The following GUCY1A2 variants were observed in gnomAD, a reference collection of about 807,000 sequenced individuals.
GUCY1A2 encodes guanylate cyclase 1 soluble subunit alpha 2, also known as guanylate cyclase soluble subunit alpha-2.
Under a neutral mutation model 63.5 loss-of-function variants are expected in GUCY1A2, and 27 were observed. The observed-to-expected ratio is 0.43, with a 90% CI of 0.31 to 0.59. The LOEUF is 0.59. Ranked by LOEUF, GUCY1A2 falls within the 20% of genes least tolerant of loss-of-function variation. The pLI, the probability that GUCY1A2 is intolerant of heterozygous loss-of-function variation, is 0.11. For missense variants in GUCY1A2, 768 were observed against 913.3 expected (o/e 0.84, Z 2.05); for synonymous variants, 364 against 343.5 (o/e 1.06, Z -0.66).
intron 4 of GUCY1A2, among the ~76,000 whole-genome samples, chr11:106,889,819 G>C (rs1252226255): frequency 6.6e-6 from 1 of 152,184 alleles, no homozygotes; most frequent in African/African-American, 2.4e-5. Context: ...AGGTCCTTCA[G>C]TGTGATAAAG....
At chr11:106,865,270 G>T (rs965243880) in intron 4 of GUCY1A2, among the ~76,000 whole-genome samples, 1 of 151,876 alleles carries the variant, frequency 6.6e-6, no homozygotes, top group African/African-American at 2.4e-5. Context: ...TATTGTGTCC[G>T]ATTCTTCTCT....
chr11:106,690,063 C>T (rs1271554048), intron 7 of GUCY1A2, among the ~76,000 whole-genome samples: 1 of 151,386 alleles, frequency 6.6e-6, no homozygotes, highest in Non-Finnish European at 1.5e-5. Context: ...CATGTATACA[C>T]AGTTGTTGGG....
chr11:106,753,297 T>C (rs1863915471), intron 6 of GUCY1A2, among the ~76,000 whole-genome samples: 1 of 152,150 alleles, frequency 6.6e-6, no homozygotes, highest in South Asian at 2.1e-4. Flanking sequence ...ATTGCAAAAA[T>C]TTTCTCCCAT....
chr11:106,980,484 G>A (rs1178667613), intron 2 of GUCY1A2, among the ~76,000 whole-genome samples: 1 of 152,190 alleles, frequency 6.6e-6, no homozygotes, highest in African/African-American at 2.4e-5. Flanking sequence ...AAGGGACACA[G>A]AAAAGAATGG....
At position 106,827,871 on chromosome 11, in the gene GUCY1A2, G is replaced by C; in HGVS notation, c.1207-17393C>G. 1.9e-6 allele frequency: 3 copies of C among 1,594,162 alleles called. No homozygotes were observed. The East Asian group carries it at 6.7e-5, about 36-fold the overall frequency. On this transcript the variant is annotated intron_variant, in intron 4 of 7. Transcript: ENST00000526355. ...CACCATGAACTTCCCTGCAGTCATG[G>C]GAGGGCGCGCTGCCTTCATGCTGCC...
At chr11:107,011,375 G>C (rs2120210910) in intron 1 of GUCY1A2, among the ~76,000 whole-genome samples, 1 of 151,104 alleles carries the variant, frequency 6.6e-6, no homozygotes, top group Non-Finnish European at 1.5e-5. Flanking sequence ...AGGACAAAAA[G>C]GTGAACAAAA....
At chr11:106,935,046 A>C (rs1462252763) in intron 4 of GUCY1A2, among the ~76,000 whole-genome samples, 1 of 152,212 alleles carries the variant, frequency 6.6e-6, no homozygotes, top group East Asian at 1.9e-4. Flanking sequence ...GAGATTTTAA[A>C]ACAATGATAG....
chr11:106,759,956 T>C (rs1357617228), intron 6 of GUCY1A2, among the ~76,000 whole-genome samples: 4 of 151,998 alleles, frequency 2.6e-5, no homozygotes, highest in African/African-American at 9.7e-5. Flanking sequence ...AAAGGAGAAA[T>C]CTGGACACAG....
intron 4 of GUCY1A2, among the ~76,000 whole-genome samples, chr11:106,876,764 T>C (rs76746213): frequency 0.024 from 3,597 of 152,220 alleles, 132 homozygotes; most frequent in African/African-American, 0.081. Flanking sequence ...TTGATCTTTT[T>C]ATTATTCGGC....
At chr11:106,796,253 C>T (rs1207024943) in intron 5 of GUCY1A2, among the ~76,000 whole-genome samples, 1 of 152,154 alleles carries the variant, frequency 6.6e-6, no homozygotes. Flanking sequence ...GGTCTTGACT[C>T]TTTATCCAAT....
At chr11:106,797,330 T>C (rs1178145853) in intron 5 of GUCY1A2, among the ~76,000 whole-genome samples, 1 of 152,040 alleles carries the variant, frequency 6.6e-6, no homozygotes, top group African/African-American at 2.4e-5. Flanking sequence ...CTGCGTTCCT[T>C]TGGAGGGGGA....
At position 106,924,552 on chromosome 11, in the gene GUCY1A2, T is replaced by C. The variant is rs115691701; in HGVS notation, c.1206+14908A>G. Among the ~76,000 whole-genome samples the C allele has an allele frequency of 3.5e-3, 530 of 152,342 alleles. 5 individuals are homozygous for C. The highest frequency in any genetic ancestry group is 0.012 in the African/African-American group (494 of 41,582). On this transcript the variant is annotated intron_variant, in intron 4 of 7. Transcript: ENST00000526355. ...TATTGTCCTTGGCATGTACTAGCTATATAACCTTAGAAAAGTTTTCTTAAT... is the reference window on the plus strand; with the variant it reads ...TATTGTCCTTGGCATGTACTAGCTACATAACCTTAGAAAAGTTTTCTTAAT...
chr11:106,977,035 T>G (rs979109582), intron 3 of GUCY1A2, among the ~76,000 whole-genome samples: 1 of 152,212 alleles, frequency 6.6e-6, no homozygotes, highest in Non-Finnish European at 1.5e-5. Flanking sequence ...TCATTATCTT[T>G]GAACACCTCC....
chr11:106,687,602 T>C lies in GUCY1A2; in HGVS notation c.2146A>G (p.Lys716Glu). The C allele has an allele frequency of 6.2e-7, 1 of 1,614,048 alleles. No homozygotes were observed. The highest frequency in any genetic ancestry group is 8.5e-7 in the Non-Finnish European group (1 of 1,179,956). The change falls in exon 8 of 8, where the codon AAA becomes GAA. Residue 716 changes from lysine (K) to glutamate (E), a missense_variant. Around this residue, in one of 3 missense-constraint regions of GUCY1A2, gnomAD observed 150 missense variants for 188.3 expected, o/e 0.80. Coordinates refer to ENST00000526355, the MANE Select transcript of GUCY1A2 (RefSeq NM_000855.3). ...PKPSLSSSRI[K>E]KVSYNIGTMF... ...GTGCCGATGTTGTAGGAAACCTTTT[T>C]TATTCTCGACGAAGAAAGAGAAGGC... is the stretch of plus-strand genomic sequence containing the variant.
intron 4 of GUCY1A2, among the ~76,000 whole-genome samples, chr11:106,876,106 T>C (rs1296797621): frequency 6.6e-6 from 1 of 152,092 alleles, no homozygotes; most frequent in Non-Finnish European, 1.5e-5. Context: ...TTGGAAGAAT[T>C]CACTAATATC....
At chr11:106,827,464 A>G in intron 4 of GUCY1A2, 1 of 1,439,696 alleles carries the variant, frequency 6.9e-7, no homozygotes, top group Non-Finnish European at 9.8e-7. Context: ...AGCTTTAGTA[A>G]GCTGTTTCTG....
intron 6 of GUCY1A2, among the ~76,000 whole-genome samples, chr11:106,733,151 C>T (rs1863532029): frequency 1.3e-5 from 2 of 152,262 alleles, no homozygotes; most frequent in South Asian, 4.1e-4. Context: ...TTATGTATCA[C>T]GGTTTTTTAA....
chr11:106,928,543 AT>A, intron 4 of GUCY1A2, among the ~76,000 whole-genome samples: 1 of 152,304 alleles, frequency 6.6e-6, no homozygotes, highest in African/African-American at 2.4e-5. Context: ...AACCAAGATT[AT>A]TGTATGATTC....
intron 4 of GUCY1A2, among the ~76,000 whole-genome samples, chr11:106,811,653 C>G (rs2135424951): frequency 6.6e-6 from 1 of 152,038 alleles, no homozygotes; most frequent in African/African-American, 2.4e-5. Flanking sequence ...GTACCATTCA[C>G]CAAGATCTTG....
Sources: allele counts gnomAD v4.1 joint callset (sites outside exome capture counted in the v4.1 genomes callset), GRCh38; gene constraint gnomAD v4.1.1; regional missense constraint gnomAD v4.1.1; transcripts MANE v1.5; gene names NCBI Gene and HGNC (gene_info 2026-07-23, HGNC 2026-07-21).